PTPRR: variants seen among roughly 807,000 people sequenced by gnomAD.
PTPRR encodes the protein receptor-type tyrosine-protein phosphatase R.
A neutral mutation model predicts 77.2 loss-of-function variants in PTPRR; 38 were observed. The observed-to-expected ratio is 0.49, with a 90% confidence interval of 0.38 to 0.65. The LOEUF is 0.65. Ranked by LOEUF, PTPRR falls within the 30% of genes least tolerant of loss-of-function variation. PTPRR has a pLI of 0.00. For missense variants in PTPRR, 744 were observed against 799.2 expected, an observed-to-expected ratio of 0.93 and a Z score of 0.83; for synonymous variants, 299 against 283.1, an observed-to-expected ratio of 1.06 and a Z score of -0.57.
intron 2 of PTPRR, among the ~76,000 whole-genome samples, chr12:70,846,665 G>A (rs1040705144): frequency 1.3e-5 from 2 of 151,958 alleles, no homozygotes; most frequent in African/African-American, 4.8e-5. Context: ...GGGCTTGTTT[G>A]CCCCCTTCCA....
intron 10 of PTPRR, among the ~76,000 whole-genome samples, chr12:70,680,950 T>A (rs1567748): frequency 3.3e-5 from 5 of 152,012 alleles, no homozygotes; most frequent in Non-Finnish European, 7.4e-5. Context: ...TGCTGACTGC[T>A]CATGAGGCCA....
intron 10 of PTPRR, among the ~76,000 whole-genome samples, chr12:70,676,060 A>G (rs972492447): frequency 4.6e-5 from 7 of 151,842 alleles, no homozygotes; most frequent in African/African-American, 1.2e-4. Flanking sequence ...GAAAATCCCT[A>G]TCTATTATTT....
chr12:70,777,766 A>T (rs976121764), intron 2 of PTPRR, among the ~76,000 whole-genome samples: 1 of 152,218 alleles, frequency 6.6e-6, no homozygotes, highest in Admixed American at 6.5e-5. Context: ...AGCTACACAA[A>T]GGAAGACATC....
At chr12:70,715,016 C>A (rs541210864) in intron 6 of PTPRR, among the ~76,000 whole-genome samples, 2 of 139,950 alleles carry the variant, frequency 1.4e-5, no homozygotes, top group South Asian at 2.7e-4. Flanking sequence ...ATTGAGTATG[C>A]CAAAATAATT....
rs187877525 is a variant in PTPRR, at chr12:70,900,084, A to G, written c.59-7107T>C. On this transcript the variant is annotated intron_variant, in intron 1 of 13. Transcript: ENST00000283228. ...TTCATGAATTAGAAGACTCTACATA[A>G]TGAAGATGTCAATCATCTCCAATTA... is the stretch of plus-strand genomic sequence containing the variant. Among the ~76,000 whole-genome samples the G allele has an allele frequency of 2.6e-5, 4 of 151,680 alleles. No individual in the cohort carries two copies. In the East Asian group the frequency reaches 7.8e-4, roughly 29 times the overall value.
chr12:70,847,656 T>C lies in PTPRR; in HGVS notation c.357+45023A>G, dbSNP rs368976666. Among the ~76,000 whole-genome samples the C allele has an allele frequency of 1.1e-4, 16 of 152,266 alleles. No individual in the cohort carries two copies. In the South Asian group the frequency reaches 3.1e-3, roughly 30 times the overall value. The stretch of plus-strand genomic sequence containing the variant: ...TGTTCCTACTTCACCAAAATAAAAA[T>C]GCCAATTAATGGGATTTGTCCATAA... On this transcript the variant is annotated intron_variant, in intron 2 of 13. Coordinates refer to ENST00000283228, the MANE Select transcript of PTPRR (RefSeq NM_002849.4).
intron 2 of PTPRR, among the ~76,000 whole-genome samples, chr12:70,865,215 G>A (rs538926199): frequency 5.9e-5 from 7 of 119,646 alleles, no homozygotes; most frequent in South Asian, 2.5e-4. Flanking sequence ...GAGAATGATC[G>A]TGAGGCCTCC....
At chr12:70,728,472 GTA>G (rs1235917786) in intron 6 of PTPRR, among the ~76,000 whole-genome samples, 10 of 10,778 alleles carry the variant, frequency 9.3e-4, no homozygotes, top group South Asian at 0.014. Flanking sequence ...ACATATATGT[GTA>G]TATATATATA....
intron 6 of PTPRR, among the ~76,000 whole-genome samples, chr12:70,734,371 C>T (rs969044771): frequency 6.6e-6 from 1 of 152,122 alleles, no homozygotes; most frequent in African/African-American, 2.4e-5. Context: ...GAAATGCACA[C>T]CCTACTGAAT....
At chr12:70,863,936 T>C (rs1892796868) in intron 2 of PTPRR, among the ~76,000 whole-genome samples, 1 of 152,158 alleles carries the variant, frequency 6.6e-6, no homozygotes, top group Non-Finnish European at 1.5e-5. Flanking sequence ...TCCACTGCCA[T>C]GCTAGGATCC....
intron 13 of PTPRR, among the ~76,000 whole-genome samples, chr12:70,642,075 A>G (rs1886024004): frequency 6.6e-6 from 1 of 152,084 alleles, no homozygotes; most frequent in Non-Finnish European, 1.5e-5. Flanking sequence ...GAGATCTATG[A>G]AGCAGGCTTA....
In PTPRR at chr12:70,656,568, T is replaced by C. The variant is rs559744655; in HGVS notation, c.1880+136A>G. On this transcript the variant is annotated intron_variant, in intron 13 of 13. Transcript: ENST00000283228. ...AAAAGGCTTTTTAATATAATGCATA[T>C]ACTTAAGCATTTTACAAGCATCTCT... 2.3e-5 allele frequency: 14 copies of C among 619,538 alleles called. No individual in the cohort carries two copies. The South Asian group carries it at 2.6e-4, about 11-fold the overall frequency. The allele number at this position is 619,538 out of a possible 1,614,324, so 38.4% of individuals were successfully genotyped here. A position where few individuals can be genotyped will look rare whatever the true frequency, so the allele number is the denominator to read the frequency against.
intron 6 of PTPRR, among the ~76,000 whole-genome samples, chr12:70,744,359 G>A (rs1263427229): frequency 6.6e-6 from 1 of 152,080 alleles, no homozygotes; most frequent in Non-Finnish European, 1.5e-5. Flanking sequence ...TGATATCTAC[G>A]TAAGTGAATG....
chr12:70,892,917 G>T lies in PTPRR; in HGVS notation c.119C>A (p.Pro40Gln). ...TTGTGAATGCTTATAAATGAATACCGGCTTCCCACTCTTCTTCTGATTAAT... is the reference window on the plus strand; with the variant it reads ...TTGTGAATGCTTATAAATGAATACCTGCTTCCCACTCTTCTTCTGATTAAT... ...LAINQKKSGK[P>Q]VFIYKHSQDI... The change falls in exon 2 of 14, where the codon CCG (proline) becomes CAG (glutamine). Residue 40 changes from proline (P) to glutamine (Q), a missense_variant. By Grantham distance (76) the Pro-to-Gln change is moderately conservative. Around this residue, in one of 3 missense-constraint regions of PTPRR, gnomAD observed 570 missense variants for 573.2 expected, o/e 0.99. Coordinates refer to ENST00000283228, the MANE Select transcript of PTPRR (RefSeq NM_002849.4). 6.2e-7 allele frequency: 1 copy of T among 1,613,272 alleles called. No individual in the cohort carries two copies. The highest frequency in any genetic ancestry group is 8.5e-7 in the Non-Finnish European group (1 of 1,179,530).
At chr12:70,778,750 T>C (rs1241394643) in intron 2 of PTPRR, among the ~76,000 whole-genome samples, 2 of 152,234 alleles carry the variant, frequency 1.3e-5, no homozygotes, top group African/African-American at 2.4e-5. Context: ...TTCTTTGTGA[T>C]TGTTGTAGAC....
chr12:70,754,500 C>T, intron 4 of PTPRR, 199 bp from the exon 5 acceptor site: 1 of 1,570,874 alleles, frequency 6.4e-7, no homozygotes. Flanking sequence ...TATTTAGTCT[C>T]CTATGCAGGA....
intron 2 of PTPRR, among the ~76,000 whole-genome samples, chr12:70,804,558 A>G (rs1338934634): frequency 6.6e-6 from 1 of 152,126 alleles, no homozygotes; most frequent in Non-Finnish European, 1.5e-5. Flanking sequence ...GAAAAAAAAA[A>G]GAAGACTCCT....
chr12:70,810,263 A>G (rs189893248), intron 2 of PTPRR, among the ~76,000 whole-genome samples: 78 of 152,340 alleles, frequency 5.1e-4, no homozygotes, highest in Admixed American at 9.8e-4. Flanking sequence ...GTTGAATGGG[A>G]TGATTCAAAG....
chr12:70,731,097 GGA>G (rs1491428287), intron 6 of PTPRR, among the ~76,000 whole-genome samples: 3 of 138,174 alleles, frequency 2.2e-5, no homozygotes, highest in African/African-American at 8.5e-5. Flanking sequence ...GAAGGAGGAA[GGA>G]GAGAGAGGAA....
Sources: gnomAD v4.1 joint callset for allele counts (sites outside exome capture counted in the v4.1 genomes callset) on GRCh38, gnomAD v4.1.1 for gene constraint, gnomAD v4.1.1 regional missense constraint, MANE v1.5 for transcripts, NCBI Gene and HGNC (gene_info 2026-07-23, HGNC 2026-07-21) for gene names.